The following PTGER3 variants were observed in gnomAD, a reference collection of about 807,000 sequenced individuals.
PTGER3 encodes the protein prostaglandin E2 receptor EP3 subtype.
A neutral mutation model predicts 34.7 loss-of-function variants in PTGER3; 22 were observed. The ratio of observed to expected loss-of-function variants is 0.63; its 90% confidence interval spans 0.45 to 0.91. The LOEUF is 0.91. PTGER3 is among the 40% of genes least tolerant of loss of function. The pLI, the probability that PTGER3 is intolerant of heterozygous loss-of-function variation, is 0.00. For missense variants in PTGER3, 468 were observed against 519.4 expected (o/e 0.90, Z 0.96); for synonymous variants, 241 against 230.1 (o/e 1.05, Z -0.43).
At chr1:70,880,505 C>CTAA (rs1646367026) in intron 4 of PTGER3, among the ~76,000 whole-genome samples, 1 of 151,152 alleles carries the variant, frequency 6.6e-6, no homozygotes, top group African/African-American at 2.4e-5. Flanking sequence ...GCCTGGCCAA[C>CTAA]ATGGTGAAAC....
chr1:70,911,047 TC>T (rs1194335397), intron 4 of PTGER3, among the ~76,000 whole-genome samples: 1 of 150,246 alleles, frequency 6.7e-6, no homozygotes, highest in African/African-American at 2.5e-5. Flanking sequence ...GCCACTGCAC[TC>T]CAGCCTGGGC....
intron 2 of PTGER3, among the ~76,000 whole-genome samples, chr1:70,964,818 A>G (rs1274673721): frequency 1.3e-5 from 2 of 152,212 alleles, no homozygotes; most frequent in East Asian, 3.8e-4. Flanking sequence ...ATTGTTGCAT[A>G]TCTTCTTTCC....
chr1:70,937,199 G>C (rs574390131), intron 4 of PTGER3, among the ~76,000 whole-genome samples: 31 of 152,282 alleles, frequency 2.0e-4, no homozygotes, highest in African/African-American at 7.5e-4. Flanking sequence ...GTGAGGGAGG[G>C]ATAACAGGTG....
At chr1:71,027,650 C>A (rs1408149135) in intron 1 of PTGER3, among the ~76,000 whole-genome samples, 1 of 152,150 alleles carries the variant, frequency 6.6e-6, no homozygotes, top group African/African-American at 2.4e-5. Context: ...CAGTCTAATG[C>A]AGTACTATCC....
rs75281826 is a variant in PTGER3, at chr1:70,998,781, A to C, written c.1077+13524T>G. On this transcript the variant is annotated intron_variant, in intron 2 of 3. Transcript: ENST00000306666. ...CAGCTAGAGATGAACTGAGGTACTCAGAAATAAATTACTGTTTTGCTTGAA... is the reference window on the plus strand; with the variant it reads ...CAGCTAGAGATGAACTGAGGTACTCCGAAATAAATTACTGTTTTGCTTGAA... Among the ~76,000 whole-genome samples the C allele has an allele frequency of 8.6e-3, 1,308 of 152,340 alleles. 32 individuals carry two copies. Among genetic ancestry groups the C allele is most frequent in the African/African-American group, 0.03 (1,237 of 41,562 alleles).
downstream of PTGER3, among the ~76,000 whole-genome samples, chr1:70,948,578 A>T (rs1210725838): frequency 2.0e-5 from 3 of 152,072 alleles, no homozygotes; most frequent in African/African-American, 7.2e-5. Context: ...GTCATAATGG[A>T]AGGGGAGAGG....
chr1:70,975,250 T>C (rs1040590397), intron 2 of PTGER3, among the ~76,000 whole-genome samples: 7 of 152,196 alleles, frequency 4.6e-5, no homozygotes, highest in Non-Finnish European at 1.0e-4. Flanking sequence ...GGATAAGCAT[T>C]TGTGGCCTGA....
At chr1:70,894,614 T>C (rs777224349) in intron 4 of PTGER3, among the ~76,000 whole-genome samples, 1 of 152,202 alleles carries the variant, frequency 6.6e-6, no homozygotes, top group Non-Finnish European at 1.5e-5. Flanking sequence ...TTAGAATATT[T>C]TTAATGAAGT....
At chr1:70,869,197 G>A in intron 4 of PTGER3, 1 of 450,648 alleles carries the variant, frequency 2.2e-6, no homozygotes. Context: ...CGGGGCAGGG[G>A]TGGTATCACA....
intron 2 of PTGER3, among the ~76,000 whole-genome samples, chr1:70,959,100 T>C (rs545404529): frequency 2.6e-5 from 4 of 152,314 alleles, no homozygotes; most frequent in Admixed American, 6.5e-5. Flanking sequence ...CGAAGTCAGA[T>C]AGTGTGATGC....
intron 4 of PTGER3, among the ~76,000 whole-genome samples, chr1:70,858,148 G>C (rs1226047020): frequency 6.6e-6 from 1 of 150,808 alleles, no homozygotes; most frequent in Non-Finnish European, 1.5e-5. Context: ...GGTAAAATGG[G>C]ATGATAGAGG....
chr1:70,852,679 A>T, exon 5 of PTGER3: 1 of 829,244 alleles, frequency 1.2e-6, no homozygotes, highest in South Asian at 1.5e-5. Context: ...TGGAAACAGG[A>T]CATAACAGCT....
intron 4 of PTGER3, among the ~76,000 whole-genome samples, chr1:70,904,049 A>C (rs1019627487): frequency 6.6e-6 from 1 of 151,986 alleles, no homozygotes; most frequent in African/African-American, 2.4e-5. Context: ...TCTTTCCTTC[A>C]TTGTTCCTGT....
At chr1:70,872,343 T>G (rs899413158) in intron 4 of PTGER3, among the ~76,000 whole-genome samples, 1 of 152,228 alleles carries the variant, frequency 6.6e-6, no homozygotes, top group Non-Finnish European at 1.5e-5. Context: ...GCATAACTGA[T>G]GGTGTTTCCC....
At chr1:71,041,321 C>G (rs1660294591) in intron 1 of PTGER3, among the ~76,000 whole-genome samples, 1 of 152,110 alleles carries the variant, frequency 6.6e-6, no homozygotes, top group Non-Finnish European at 1.5e-5. Flanking sequence ...GGTTGCTTAC[C>G]TTGTGTTTGC....
intron 4 of PTGER3, among the ~76,000 whole-genome samples, chr1:70,922,193 G>A (rs140404986): frequency 1.0e-3 from 152 of 152,196 alleles, no homozygotes; most frequent in African/African-American, 3.5e-3. Flanking sequence ...TGTGAAATAA[G>A]CATAGCTTCT....
chr1:70,913,454 T>G (rs543834619), intron 4 of PTGER3, among the ~76,000 whole-genome samples: 21 of 152,020 alleles, frequency 1.4e-4, no homozygotes, highest in African/African-American at 5.1e-4. Flanking sequence ...AAGTTCGTTT[T>G]TAAATGCCTG....
At chr1:70,866,403 A>G (rs1381511797) in intron 4 of PTGER3, among the ~76,000 whole-genome samples, 1 of 152,224 alleles carries the variant, frequency 6.6e-6, no homozygotes, top group Admixed American at 6.5e-5. Flanking sequence ...GAGGCCAATT[A>G]CATCTTCCAT....
chr1:70,910,742 G>A (rs376889434), intron 4 of PTGER3, among the ~76,000 whole-genome samples: 2 of 152,254 alleles, frequency 1.3e-5, no homozygotes, highest in South Asian at 2.1e-4. Context: ...CAAATTAAGC[G>A]AGCATTGGTT....
Sources: allele counts gnomAD v4.1 joint callset (sites outside exome capture counted in the v4.1 genomes callset), GRCh38; gene constraint gnomAD v4.1.1; transcripts MANE v1.5; gene names NCBI Gene and HGNC (gene_info 2026-07-23, HGNC 2026-07-21).